The following SORCS2 variants were observed in gnomAD, a reference collection of about 807,000 sequenced individuals.
The protein encoded by SORCS2 is VPS10 domain-containing receptor SorCS2.
A neutral mutation model predicts 141.6 loss-of-function variants in SORCS2; 100 were observed. That is an observed-to-expected ratio of 0.71 (90% CI 0.60 to 0.83). The LOEUF is 0.83. Ranked by LOEUF, SORCS2 falls within the 40% of genes least tolerant of loss-of-function variation. SORCS2 has a pLI of 0.00. For missense variants in SORCS2, 1,646 were observed against 1,560.2 expected (o/e 1.05, Z -0.93); for synonymous variants, 789 against 676.9 (o/e 1.17, Z -2.57).
chr4:7,629,947 A>G (rs1719773759), intron 3 of SORCS2, among the ~76,000 whole-genome samples: 1 of 151,958 alleles, frequency 6.6e-6, no homozygotes, highest in South Asian at 2.1e-4. Flanking sequence ...TTCCCCAGCA[A>G]AGCCTCTGAA....
chr4:7,612,058 C>G (rs577066541), intron 3 of SORCS2, among the ~76,000 whole-genome samples: 1 of 152,192 alleles, frequency 6.6e-6, no homozygotes, highest in Non-Finnish European at 1.5e-5. Context: ...CGGAAGGTGA[C>G]ACATGTAGCT....
intron 1 of SORCS2, among the ~76,000 whole-genome samples, chr4:7,268,613 A>G (rs7668649): frequency 0.46 from 69,286 of 152,118 alleles, 16,472 homozygotes; most frequent in East Asian, 0.66. Context: ...TGCAGACAGT[A>G]AAGCCCAGGG....
chr4:7,413,921 C>T (rs1176245912), intron 2 of SORCS2, among the ~76,000 whole-genome samples: 1 of 152,070 alleles, frequency 6.6e-6, no homozygotes, highest in Admixed American at 6.5e-5. Flanking sequence ...TTGCAGGGTG[C>T]TGGGATTCTG....
intron 1 of SORCS2, among the ~76,000 whole-genome samples, chr4:7,380,056 C>T (rs1429208652): frequency 6.6e-6 from 1 of 152,080 alleles, no homozygotes; most frequent in Admixed American, 6.5e-5. Flanking sequence ...AAAGGTTGCT[C>T]AACAATGGCC....
intron 24 of SORCS2, among the ~76,000 whole-genome samples, chr4:7,733,684 G>A (rs543168461): frequency 6.1e-4 from 93 of 152,342 alleles, no homozygotes; most frequent in African/African-American, 2.1e-3. Context: ...CCACAGAGCT[G>A]TCTCCTCGGC....
intron 3 of SORCS2, among the ~76,000 whole-genome samples, chr4:7,532,185 C>T (rs891784109): frequency 7.9e-5 from 12 of 152,152 alleles, no homozygotes; most frequent in Admixed American, 6.5e-5. Context: ...CTCCTGCAAA[C>T]GTGTGTTTGT....
chr4:7,300,142 G>T (rs924993373), intron 1 of SORCS2, among the ~76,000 whole-genome samples: 6 of 152,206 alleles, frequency 3.9e-5, no homozygotes, highest in African/African-American at 1.4e-4. Flanking sequence ...CTACTGATAA[G>T]TGGGAGATGC....
chr4:7,441,771 C>T (rs1341396316), intron 2 of SORCS2, among the ~76,000 whole-genome samples: 1 of 26,480 alleles, frequency 3.8e-5, no homozygotes. Flanking sequence ...CACCCCCTCC[C>T]CCAGCCCAGA....
At chr4:7,569,654 G>A (rs919450285) in intron 3 of SORCS2, among the ~76,000 whole-genome samples, 5 of 152,170 alleles carry the variant, frequency 3.3e-5, no homozygotes, top group African/African-American at 1.2e-4. Flanking sequence ...CCGTGACTTC[G>A]CCATGGGTTT....
At chr4:7,734,928 A>T (rs1712044117) in intron 25 of SORCS2, among the ~76,000 whole-genome samples, 1 of 152,110 alleles carries the variant, frequency 6.6e-6, no homozygotes, top group Non-Finnish European at 1.5e-5. Context: ...GGCTGGGGTG[A>T]GGTGGCAAGA....
At chr4:7,312,317 C>G (rs1010259749) in intron 1 of SORCS2, among the ~76,000 whole-genome samples, 2 of 152,214 alleles carry the variant, frequency 1.3e-5, no homozygotes, top group Admixed American at 1.3e-4. Flanking sequence ...CACCGATCAA[C>G]CCTCAGCTGG....
intron 12 of SORCS2, among the ~76,000 whole-genome samples, chr4:7,701,680 C>G (rs1725097314): frequency 6.6e-6 from 1 of 152,192 alleles, no homozygotes; most frequent in African/African-American, 2.4e-5. Context: ...GGCCCCCACC[C>G]AGGTCTGCTG....
intron 1 of SORCS2, among the ~76,000 whole-genome samples, chr4:7,261,608 A>T (rs1560147948): frequency 6.6e-6 from 1 of 152,268 alleles, no homozygotes; most frequent in Non-Finnish European, 1.5e-5. Flanking sequence ...TCAGCTGTAC[A>T]TATCCTGCAT....
chr4:7,679,943 G>T (rs1723410652), intron 9 of SORCS2, among the ~76,000 whole-genome samples: 1 of 152,140 alleles, frequency 6.6e-6, no homozygotes, highest in South Asian at 2.1e-4. Context: ...GATATAAAAT[G>T]GCAGTTACCC....
At chr4:7,395,297 C>T (rs562464469) in intron 1 of SORCS2, among the ~76,000 whole-genome samples, 133 of 152,322 alleles carry the variant, frequency 8.7e-4, no homozygotes, top group Middle Eastern at 3.4e-3. Flanking sequence ...AGGAGCCCGA[C>T]CGTTGGGGAT....
At chr4:7,584,173 G>T (rs1716375479) in intron 3 of SORCS2, among the ~76,000 whole-genome samples, 1 of 152,214 alleles carries the variant, frequency 6.6e-6, no homozygotes, top group African/African-American at 2.4e-5. Flanking sequence ...ATAAATGCTG[G>T]TTTGCTAAAT....
At position 7,249,895 on chromosome 4, in the gene SORCS2, G is replaced by A. The variant is rs36018305; in HGVS notation, c.480+56769G>A. ...TATGTGGCCCCTGAGCAGGGCCCAC[G>A]GTGCGTGTGAGCATGCCCTCAGCAG... On this transcript the variant is annotated intron_variant, in intron 1 of 26. Transcript: ENST00000507866. Among the ~76,000 whole-genome samples, 1,153 of 152,274 alleles carry A rather than the reference G, an allele frequency of 7.6e-3. 13 individuals are homozygous for A. The highest frequency in any genetic ancestry group is 0.026 in the African/African-American group (1,086 of 41,562).
At chr4:7,321,969 A>G (rs16840039) in intron 1 of SORCS2, among the ~76,000 whole-genome samples, 38,669 of 152,060 alleles carry the variant, frequency 0.25, 5,213 homozygotes, top group Non-Finnish European at 0.29. Flanking sequence ...GGGTGGCTGT[A>G]TTGACCGTGT....
chr4:7,508,601 GTGCTGGGATTACAGGCACGA>G (rs1732418998), intron 2 of SORCS2, among the ~76,000 whole-genome samples: 1 of 152,140 alleles, frequency 6.6e-6, no homozygotes, highest in Non-Finnish European at 1.5e-5. Context: ...GCCTCCCAAA[GTGCTGGGATTACAGGCACGA>G]GCCACCGCGC....
Sources: allele counts gnomAD v4.1 joint callset (sites outside exome capture counted in the v4.1 genomes callset), GRCh38; gene constraint gnomAD v4.1.1; transcripts MANE v1.5; gene names NCBI Gene and HGNC (gene_info 2026-07-23, HGNC 2026-07-21).